The following KIRREL3 variants were observed in gnomAD, a reference collection of about 807,000 sequenced individuals.
The protein encoded by KIRREL3 is kin of IRRE-like protein 3.
KIRREL3 carries 36 observed loss-of-function variants against 89.7 expected under a neutral mutation model. The observed-to-expected ratio is 0.40, with a 90% CI of 0.31 to 0.53. The LOEUF is 0.53. Ranked by LOEUF, KIRREL3 falls within the 20% of genes least tolerant of loss-of-function variation. The probability of loss-of-function intolerance (pLI) is 0.49; values close to 1 mark genes in which losing one functional copy is unlikely to be tolerated. For missense variants in KIRREL3, 864 were observed against 1,056.6 expected, an observed-to-expected ratio of 0.82 and a Z score of 2.53; for synonymous variants, 445 against 441.4, an observed-to-expected ratio of 1.01 and a Z score of -0.10.
chr11:126,780,490 T>A lies in KIRREL3; in HGVS notation c.56-217578A>T, dbSNP rs532580339. On this transcript the variant is annotated intron_variant, in intron 1 of 16. Coordinates refer to ENST00000525144, the MANE Select transcript of KIRREL3 (RefSeq NM_032531.4). This position sits in a 1 kb window ranked among gnomAD's most constrained non-coding sequence, Gnocchi z 5.3. ...TGGGATCAGAATGACAGAGAATAAATCACCAGATTTGCTTGGCTTCTTTGA... is the reference window on the plus strand; with the variant it reads ...TGGGATCAGAATGACAGAGAATAAAACACCAGATTTGCTTGGCTTCTTTGA... 5.8e-4 allele frequency among the ~76,000 whole-genome samples: 88 copies of A among 152,328 alleles called. No homozygotes were observed. Among genetic ancestry groups the A allele is most frequent in the Non-Finnish European group, 8.4e-4 (57 of 68,026 alleles).
chr11:126,878,094 G>T (rs1481307327), intron 1 of KIRREL3, among the ~76,000 whole-genome samples: 1 of 152,114 alleles, frequency 6.6e-6, no homozygotes, highest in Non-Finnish European at 1.5e-5. Flanking sequence ...AGAGAGATAG[G>T]CAGGTAGGTA....
chr11:126,768,157 CATCCATCCATCCA>C lies in KIRREL3; in HGVS notation c.56-205258_56-205246del, dbSNP rs1949895666. On this transcript the variant is annotated intron_variant, in intron 1 of 16. Coordinates refer to ENST00000525144, the MANE Select transcript of KIRREL3 (RefSeq NM_032531.4). This position sits in a 1 kb window ranked among gnomAD's most constrained non-coding sequence, Gnocchi z 4.5. ...CTATCCATCCATCCATCCATCCATCCATCCATCCATCCAATCCATCCATCCATCCATCCATCCA... is the reference window on the plus strand; with the variant it reads ...CTATCCATCCATCCATCCATCCATCCATCCATCCATCCATCCATCCATCCA... Among the ~76,000 whole-genome samples the C allele has an allele frequency of 7.6e-6, 1 of 131,566 alleles. No individual in the cohort carries two copies. Among genetic ancestry groups the C allele is most frequent in the African/African-American group, 3.1e-5 (1 of 31,960 alleles). 86.3% of individuals were successfully genotyped at this position (131,566 alleles called of 152,430 possible).
At chr11:126,813,381 C>T (rs541545802) in intron 1 of KIRREL3, among the ~76,000 whole-genome samples, 6 of 152,270 alleles carry the variant, frequency 3.9e-5, no homozygotes, top group South Asian at 2.1e-4. Flanking sequence ...CTTGGATCCT[C>T]GTAGTTTGCT....
In KIRREL3 at chr11:126,578,784, G is replaced by C. The variant is rs1414695304; in HGVS notation, c.56-15872C>G. On this transcript the variant is annotated intron_variant, in intron 1 of 16. Coordinates refer to ENST00000525144, the MANE Select transcript of KIRREL3 (RefSeq NM_032531.4). This position sits in a 1 kb window ranked among gnomAD's most constrained non-coding sequence, Gnocchi z 4.9. Reference sequence around the variant, plus strand: ...TCAATGACTGTCCCCTGTCCCTGGAGATGTAAAAGTTCCAGGCTCTCCTAC... The same window carrying C: ...TCAATGACTGTCCCCTGTCCCTGGACATGTAAAAGTTCCAGGCTCTCCTAC... 6.6e-6 allele frequency among the ~76,000 whole-genome samples: 1 copy of C among 152,174 alleles called. No homozygotes were observed. The highest frequency in any genetic ancestry group is 2.1e-4 in the South Asian group (1 of 4,824).
intron 5 of KIRREL3, among the ~76,000 whole-genome samples, chr11:126,469,173 G>A (rs1956813217): frequency 6.6e-6 from 1 of 152,226 alleles, no homozygotes; most frequent in African/African-American, 2.4e-5. Context: ...CTGGAAGGTG[G>A]CAGAGCCCGG....
chr11:126,522,170 G>C lies in KIRREL3; in HGVS notation c.284-706C>G, dbSNP rs1013659161. Among the ~76,000 whole-genome samples, 1 of 152,150 alleles carries C rather than the reference G, an allele frequency of 6.6e-6. No individual in the cohort carries two copies. The highest frequency in any genetic ancestry group is 1.5e-5 in the Non-Finnish European group (1 of 68,034). ...CGCTGGCTTATTATTCTGGAAAGTG[G>C]TGTGCTCAGCACTGTGGTCTACCAA... On this transcript the variant is annotated intron_variant, in intron 3 of 16. Transcript: ENST00000525144. This position sits in a 1 kb window ranked among gnomAD's most constrained non-coding sequence, Gnocchi z 6.0.
At chr11:126,698,445 G>A (rs1947184360) in intron 1 of KIRREL3, among the ~76,000 whole-genome samples, 1 of 152,224 alleles carries the variant, frequency 6.6e-6, no homozygotes, top group Admixed American at 6.5e-5. Context: ...TCCACCTTGG[G>A]TGTTCTCATC....
chr11:126,911,883 T>G (rs1946832069), intron 1 of KIRREL3, among the ~76,000 whole-genome samples: 2 of 147,848 alleles, frequency 1.4e-5, no homozygotes, highest in South Asian at 4.3e-4. Flanking sequence ...CTCGGGAGGC[T>G]GAGGCAGGAG....
At position 126,561,470 on chromosome 11, in the gene KIRREL3, T is replaced by C. The variant is rs987695207; in HGVS notation, c.133+1365A>G. Reference sequence around the variant, plus strand: ...TGAGCATCGCCAGCAAGAGAACATGTCTATTCAGCACCACGGACAGAGGCA... The same window carrying C: ...TGAGCATCGCCAGCAAGAGAACATGCCTATTCAGCACCACGGACAGAGGCA... On this transcript the variant is annotated intron_variant, in intron 2 of 16. Coordinates refer to ENST00000525144, the MANE Select transcript of KIRREL3 (RefSeq NM_032531.4). The surrounding 1 kb of genome is among the most constrained non-coding windows in gnomAD (Gnocchi z 4.5). Among the ~76,000 whole-genome samples, 5 of 152,134 alleles carry C rather than the reference T, an allele frequency of 3.3e-5. No homozygotes were observed. Among genetic ancestry groups the C allele is most frequent in the African/African-American group, 1.2e-4 (5 of 41,414 alleles).
intron 1 of KIRREL3, among the ~76,000 whole-genome samples, chr11:126,820,971 T>C (rs571877726): frequency 1.4e-3 from 220 of 152,202 alleles, no homozygotes; most frequent in African/African-American, 4.9e-3. Flanking sequence ...TCGAGCTTAC[T>C]AGGTCTGAGA....
rs1943551831 is a variant in KIRREL3 at position 126,620,976 on chromosome 11, T to G, written c.56-58064A>C. Among the ~76,000 whole-genome samples, 1 of 152,206 alleles carries G rather than the reference T, an allele frequency of 6.6e-6. No homozygotes were observed. Among genetic ancestry groups the G allele is most frequent in the Non-Finnish European group, 1.5e-5 (1 of 68,046 alleles). ...GACCTGTGTGCCTGACTTGCAGACT[T>G]CTTAAGAGCAGGGCACAGAGAGACT... On this transcript the variant is annotated intron_variant, in intron 1 of 16. Coordinates refer to ENST00000525144, the MANE Select transcript of KIRREL3 (RefSeq NM_032531.4). The surrounding 1 kb of genome is among the most constrained non-coding windows in gnomAD (Gnocchi z 4.8).
intron 1 of KIRREL3, among the ~76,000 whole-genome samples, chr11:126,884,652 C>A (rs1366058547): frequency 1.3e-5 from 2 of 152,140 alleles, no homozygotes; most frequent in East Asian, 3.9e-4. Flanking sequence ...CATAAGCAAG[C>A]AAGGATCGTG....
intron 1 of KIRREL3, among the ~76,000 whole-genome samples, chr11:126,698,458 C>T (rs1009214292): frequency 6.6e-6 from 1 of 152,210 alleles, no homozygotes; most frequent in Non-Finnish European, 1.5e-5. Context: ...TTCTCATCTG[C>T]CGGCTTGTCT....
intron 1 of KIRREL3, among the ~76,000 whole-genome samples, chr11:126,895,653 G>C (rs555514412): frequency 6.6e-6 from 1 of 152,194 alleles, no homozygotes; most frequent in East Asian, 1.9e-4. Context: ...CTTAGACCCA[G>C]CAAGGGTAAC....
chr11:126,424,650 T>G lies in KIRREL3; in HGVS notation c.2267A>C (p.His756Pro). The G allele has an allele frequency of 2.5e-6, 4 of 1,612,632 alleles. No homozygotes were observed. Among genetic ancestry groups the G allele is most frequent in the Non-Finnish European group, 3.4e-6 (4 of 1,179,642 alleles). ...AGAGTTCTGGGACGAGGACTGGGAG[T>G]GGTGGGAGGAGGAAGCAGAAGCCTT... Reference protein sequence around the residue: ...ASKASASSSHHSQSSSQNSDP... With the variant: ...ASKASASSSHPSQSSSQNSDP... The change falls in exon 17 of 17, where the codon CAC (histidine) becomes CCC (proline). Residue 756 changes from histidine to proline, a missense_variant. His to Pro is a moderately conservative substitution (Grantham distance 77). Transcript: ENST00000525144.
chr11:126,536,907 A>G (rs1279809032), intron 2 of KIRREL3, among the ~76,000 whole-genome samples: 3 of 152,062 alleles, frequency 2.0e-5, no homozygotes, highest in Non-Finnish European at 4.4e-5. Flanking sequence ...CAGCATCCCA[A>G]AAGGTTGGGA....
At position 126,905,840 on chromosome 11, in the gene KIRREL3, A is replaced by G. The variant is rs989847385; in HGVS notation, c.55+94615T>C. ...CCTCCAGTGGGGACATGACTCCCCA[A>G]AGCACTTCAGGGGTTCCTTTGTCCG... is the stretch of plus-strand genomic sequence containing the variant. On this transcript the variant is annotated intron_variant, in intron 1 of 16. Transcript: ENST00000525144. The surrounding 1 kb of genome is among the most constrained non-coding windows in gnomAD (Gnocchi z 5.0). Among the ~76,000 whole-genome samples, 1 of 152,160 alleles carries G rather than the reference A, an allele frequency of 6.6e-6. No homozygotes were observed. Among genetic ancestry groups the G allele is most frequent in the Admixed American group, 6.6e-5 (1 of 15,266 alleles).
chr11:126,536,353 G>C (rs1167816144), intron 2 of KIRREL3, among the ~76,000 whole-genome samples: 10 of 152,110 alleles, frequency 6.6e-5, no homozygotes, highest in Non-Finnish European at 1.2e-4. Context: ...AGGAGCCGTT[G>C]CTTACTCCTC....
chr11:126,439,084 T>C (rs1406972482), intron 11 of KIRREL3, among the ~76,000 whole-genome samples: 1 of 152,218 alleles, frequency 6.6e-6, no homozygotes, highest in Admixed American at 6.5e-5. Context: ...TTAGATGGAT[T>C]TGAGTACAAG....
Sources: allele counts gnomAD v4.1 joint callset (sites outside exome capture counted in the v4.1 genomes callset), GRCh38; gene constraint gnomAD v4.1.1; non-coding constraint Gnocchi (gnomAD v3.1); transcripts MANE v1.5; gene names NCBI Gene and HGNC (gene_info 2026-07-23, HGNC 2026-07-21).